UBE2E2: variants seen among roughly 807,000 people sequenced by gnomAD.
The protein encoded by UBE2E2 is ubiquitin-conjugating enzyme E2 E2.
UBE2E2 carries 6 observed loss-of-function variants against 24.7 expected under a neutral mutation model. The observed-to-expected ratio is 0.24, with a 90% confidence interval of 0.13 to 0.48. The LOEUF (loss-of-function observed/expected upper bound fraction) is 0.48, where lower values mean the gene tolerates loss of function less well. UBE2E2 is among the 20% of genes least tolerant of loss of function. The pLI is 0.99. For synonymous variants in UBE2E2, 104 were observed against 83.6 expected (o/e 1.24, Z -1.33); for missense variants, 169 against 245.0 (o/e 0.69, Z 2.07).
intron 5 of UBE2E2, among the ~76,000 whole-genome samples, chr3:23,557,875 A>G (rs779551096): frequency 6.6e-6 from 1 of 152,220 alleles, no homozygotes; most frequent in Non-Finnish European, 1.5e-5. Context: ...CCAGGCTTAC[A>G]TAGTCTTCCT....
intron 4 of UBE2E2, among the ~76,000 whole-genome samples, chr3:23,506,950 A>G (rs1694473789): frequency 6.6e-6 from 1 of 152,136 alleles, no homozygotes; most frequent in African/African-American, 2.4e-5. Context: ...TTCCTTCTAT[A>G]GTGTGTCAGA....
At chr3:23,413,656 CCCTTA>C (rs1697550503) in intron 3 of UBE2E2, among the ~76,000 whole-genome samples, 2 of 152,156 alleles carry the variant, frequency 1.3e-5, no homozygotes, top group Admixed American at 6.6e-5. Flanking sequence ...AAGTAAATTT[CCCTTA>C]CCTTCTCTGT....
intron 3 of UBE2E2, among the ~76,000 whole-genome samples, chr3:23,484,564 T>G (rs1007601298): frequency 2.0e-5 from 3 of 152,194 alleles, no homozygotes; most frequent in Non-Finnish European, 4.4e-5. Context: ...AGAATGTTCT[T>G]TATCTTGCCT....
chr3:23,378,679 C>G (rs1462691697), intron 3 of UBE2E2, among the ~76,000 whole-genome samples: 1 of 124,490 alleles, frequency 8.0e-6, no homozygotes, highest in Non-Finnish European at 1.8e-5. Flanking sequence ...TTGACAGCTT[C>G]CCTTTGAAAT....
intron 3 of UBE2E2, among the ~76,000 whole-genome samples, chr3:23,360,884 G>C (rs1696095845): frequency 6.9e-6 from 1 of 144,400 alleles, no homozygotes; most frequent in South Asian, 2.3e-4. Context: ...GAAATAATCA[G>C]CAGAGTAAAC....
chr3:23,242,393 G>A (rs1286471304), intron 3 of UBE2E2, among the ~76,000 whole-genome samples: 9 of 102,828 alleles, frequency 8.8e-5, no homozygotes, highest in Admixed American at 1.5e-4. Flanking sequence ...CCCGCCCCCC[G>A]CCCCCCCAGT....
At position 23,445,740 on chromosome 3, in the gene UBE2E2, C is replaced by T. The variant is rs1051697830; in HGVS notation, c.228-53868C>T. 2.0e-5 allele frequency among the ~76,000 whole-genome samples: 3 copies of T among 152,294 alleles called. No homozygotes were observed. The South Asian group carries it at 6.2e-4, about 32-fold the overall frequency. On this transcript the variant is annotated intron_variant, in intron 3 of 5. Coordinates refer to ENST00000396703, the MANE Select transcript of UBE2E2 (RefSeq NM_152653.4). ...GTGCCTAATCCCAAATATACCATTT[C>T]CATCATACAACGGGTTGTTTCTCTG... is the stretch of plus-strand genomic sequence containing the variant.
In UBE2E2 at chr3:23,474,446, T is replaced by C. The variant is rs995772899; in HGVS notation, c.228-25162T>C. ...CTTTTCTGAAGGGAACGTGCAGATT[T>C]CAGACACAAATACACGTTATTGTAC... On this transcript the variant is annotated intron_variant, in intron 3 of 5. Coordinates refer to ENST00000396703, the MANE Select transcript of UBE2E2 (RefSeq NM_152653.4). The surrounding 1 kb of genome is among the most constrained non-coding windows in gnomAD (Gnocchi z 4.0). 3.9e-5 allele frequency among the ~76,000 whole-genome samples: 6 copies of C among 152,110 alleles called. No individual in the cohort carries two copies. Among genetic ancestry groups the C allele is most frequent in the Admixed American group, 3.9e-4 (6 of 15,274 alleles).
chr3:23,529,687 CAT>C (rs1179716559), intron 4 of UBE2E2, among the ~76,000 whole-genome samples: 2 of 152,184 alleles, frequency 1.3e-5, no homozygotes, highest in Non-Finnish European at 1.5e-5. Flanking sequence ...GTAAGCCACT[CAT>C]TGGTTAAATT....
chr3:23,320,944 G>A (rs1301064904), intron 3 of UBE2E2, among the ~76,000 whole-genome samples: 1 of 152,174 alleles, frequency 6.6e-6, no homozygotes, highest in Non-Finnish European at 1.5e-5. Context: ...GTGCCTCACA[G>A]TTCTGAGAAC....
intron 5 of UBE2E2, among the ~76,000 whole-genome samples, chr3:23,555,705 C>T (rs1341943132): frequency 6.6e-6 from 1 of 152,042 alleles, no homozygotes; most frequent in African/African-American, 2.4e-5. Flanking sequence ...TATTATTCAG[C>T]CTTTAAAAAG....
At chr3:23,337,518 T>C (rs1375787642) in intron 3 of UBE2E2, among the ~76,000 whole-genome samples, 1 of 152,194 alleles carries the variant, frequency 6.6e-6, no homozygotes, top group Middle Eastern at 3.2e-3. Context: ...CATTGAGAGA[T>C]GCTGTGTGCT....
chr3:23,283,880 C>A (rs1362997406), intron 3 of UBE2E2, among the ~76,000 whole-genome samples: 1 of 152,128 alleles, frequency 6.6e-6, no homozygotes, highest in Non-Finnish European at 1.5e-5. Context: ...GTGGGGCCAA[C>A]AGTGTTTAAA....
At chr3:23,312,738 T>A (rs1236806310) in intron 3 of UBE2E2, among the ~76,000 whole-genome samples, 1 of 152,098 alleles carries the variant, frequency 6.6e-6, no homozygotes, top group Non-Finnish European at 1.5e-5. Flanking sequence ...TTTTTTGACG[T>A]AGGCAAAAAA....
intron 3 of UBE2E2, among the ~76,000 whole-genome samples, chr3:23,373,007 C>T (rs1190731795): frequency 6.6e-6 from 1 of 152,118 alleles, no homozygotes; most frequent in Non-Finnish European, 1.5e-5. Flanking sequence ...CCTTCTTGGA[C>T]CTTTTATCTT....
At chr3:23,530,772 A>G (rs572767516) in intron 4 of UBE2E2, among the ~76,000 whole-genome samples, 6 of 152,278 alleles carry the variant, frequency 3.9e-5, no homozygotes, top group Admixed American at 3.9e-4. Flanking sequence ...CTTGCAACAT[A>G]CAGGCCTAAG....
chr3:23,348,536 C>T (rs1695629034), intron 3 of UBE2E2, among the ~76,000 whole-genome samples: 1 of 151,900 alleles, frequency 6.6e-6, no homozygotes, highest in Admixed American at 6.6e-5. Flanking sequence ...GGGTTTTTAC[C>T]TAACAAAAAG....
At chr3:23,566,251 G>A (rs921282147) in intron 5 of UBE2E2, among the ~76,000 whole-genome samples, 2 of 152,142 alleles carry the variant, frequency 1.3e-5, no homozygotes, top group Non-Finnish European at 2.9e-5. Context: ...CAATTTAATA[G>A]GCTAAAATGC....
chr3:23,499,747 A>G lies in UBE2E2; in HGVS notation c.360+7A>G, dbSNP rs746872939. The G allele has an allele frequency of 1.9e-6, 3 of 1,607,858 alleles. No homozygotes were observed. The highest frequency in any genetic ancestry group is 1.1e-5 in the South Asian group (1 of 89,222). ...TCCGTTTAAACCCCCTAAGGTCAGT[A>G]TGAAGTTTTCATTGATTTTTAGCAA... On this transcript the variant is annotated splice_region_variant and intron_variant, in intron 4 of 5. Transcript: ENST00000396703.
Sources: allele counts gnomAD v4.1 joint callset (sites outside exome capture counted in the v4.1 genomes callset), GRCh38; gene constraint gnomAD v4.1.1; non-coding constraint Gnocchi (gnomAD v3.1); transcripts MANE v1.5; gene names NCBI Gene and HGNC (gene_info 2026-07-23, HGNC 2026-07-21).